Variants in HELZ observed in about 807,000 individuals in gnomAD.
HELZ encodes ATP-dependent RNA helicase with zinc finger domain.
Under a neutral mutation model 218.2 loss-of-function variants are expected in HELZ, and 23 were observed. The ratio of observed to expected loss-of-function variants is 0.11; its 90% CI spans 0.08 to 0.15. The LOEUF is 0.15. Among genes scored for constraint, HELZ ranks in the 10% least tolerant of loss-of-function variants. HELZ has a pLI of 1.00. For synonymous variants in HELZ, 814 were observed against 829.4 expected, an observed-to-expected ratio of 0.98 and a Z score of 0.32; for missense variants, 1,813 against 2,353.7, an observed-to-expected ratio of 0.77 and a Z score of 4.75.
rs201422510 is a variant in HELZ at position 67,078,418 on chromosome 17, G to C, written c.5663C>G (p.Ala1888Gly). Reference sequence around the variant, plus strand: ...ATAGGACATGGCGGGCTTGCCCCCCGCAGAGCTCTGGGGGCTACTGCTATT... The same window carrying C: ...ATAGGACATGGCGGGCTTGCCCCCCCCAGAGCTCTGGGGGCTACTGCTATT... Reference protein sequence around the residue: ...SANSSSPQSSAGGKPAMSYAS... With the variant: ...SANSSSPQSSGGGKPAMSYAS... The change falls in exon 33 of 33, where the codon GCG becomes GGG. Residue 1888 changes from alanine (A) to glycine (G), a missense_variant. Physicochemically the swap from Ala to Gly is moderately conservative, Grantham distance 60. Transcript: ENST00000358691. The C allele has an allele frequency of 6.3e-7, 1 of 1,598,620 alleles. No homozygotes were observed. The highest frequency in any genetic ancestry group is 8.5e-7 in the Non-Finnish European group (1 of 1,174,848).
chr17:67,227,707 G>A (rs1182611950), intron 3 of HELZ, among the ~76,000 whole-genome samples: 2 of 152,180 alleles, frequency 1.3e-5, no homozygotes, highest in Non-Finnish European at 2.9e-5. Flanking sequence ...GTTGGTCCAG[G>A]ACCAAAAGTA....
intron 31 of HELZ, among the ~76,000 whole-genome samples, chr17:67,098,817 A>G (rs2036832643): frequency 6.6e-6 from 1 of 152,216 alleles, no homozygotes; most frequent in South Asian, 2.1e-4. Flanking sequence ...TAGACTCGCT[A>G]AAATATTCCA....
intron 20 of HELZ, 127 bp downstream of exon 20, chr17:67,148,442 T>C (rs2038575848): frequency 1.4e-6 from 1 of 696,628 alleles, no homozygotes. Flanking sequence ...TAAACATAAT[T>C]TGCAAGACTA....
chr17:67,231,300 T>G (rs1158157406), intron 3 of HELZ, among the ~76,000 whole-genome samples: 2 of 152,094 alleles, frequency 1.3e-5, no homozygotes, highest in Non-Finnish European at 2.9e-5. Flanking sequence ...TTAATAGAAA[T>G]GTACCAACAA....
At chr17:67,223,361 A>C (rs958664732) in intron 3 of HELZ, among the ~76,000 whole-genome samples, 8 of 152,236 alleles carry the variant, frequency 5.3e-5, no homozygotes, top group African/African-American at 1.7e-4. Flanking sequence ...AGTCACATTA[A>C]GCACATTAAG....
intron 31 of HELZ, among the ~76,000 whole-genome samples, chr17:67,093,016 C>T (rs985704371): frequency 5.3e-5 from 8 of 151,990 alleles, no homozygotes; most frequent in Non-Finnish European, 1.0e-4. Context: ...GGAAGGTCTC[C>T]AGCATAAAAG....
rs2037142911 is a variant in HELZ, at chr17:67,107,511, GTTAGAAA to G, written c.4892_4898del (p.Phe1631SerfsTer11). On this transcript the variant is annotated frameshift_variant, in exon 31 of 33. Transcript: ENST00000358691. LOFTEE classifies it high-confidence loss of function. ...CAATGTCTCTGCTGTTATCATTAAA[GTTAGAAA>G]AGTGGCTACTGTGGTCTGTACTGGA... 1 of 1,614,062 alleles carries G rather than the reference GTTAGAAA, an allele frequency of 6.2e-7. No individual in the cohort carries two copies. The highest frequency in any genetic ancestry group is 8.5e-7 in the Non-Finnish European group (1 of 1,180,038).
intron 23 of HELZ, 24 bp downstream of exon 23, chr17:67,135,946 G>A (rs745307462): frequency 1.9e-6 from 3 of 1,549,534 alleles, no homozygotes; most frequent in Non-Finnish European, 2.7e-6. Flanking sequence ...CCCCTTTAAT[G>A]TCTCAACATT....
At chr17:67,208,149 T>G (rs1467711786) in intron 5 of HELZ, among the ~76,000 whole-genome samples, 1 of 152,144 alleles carries the variant, frequency 6.6e-6, no homozygotes, top group Non-Finnish European at 1.5e-5. Context: ...GATTAGTGGT[T>G]GCCAAGGGTT....
intron 32 of HELZ, 104 bp downstream of exon 32, chr17:67,086,725 A>C (rs1487149695): frequency 1.7e-6 from 2 of 1,199,590 alleles, no homozygotes; most frequent in Non-Finnish European, 2.4e-6. Flanking sequence ...ATATTGTTCA[A>C]AGATGATAAT....
At chr17:67,193,861 T>C (rs1293465549) in intron 9 of HELZ, 106 bp downstream of exon 9, 3 of 781,010 alleles carry the variant, frequency 3.8e-6, no homozygotes, top group Non-Finnish European at 6.4e-6. Flanking sequence ...CTTTATGGCT[T>C]CTGTTTCAAA....
chr17:67,093,159 G>A (rs1020681401), intron 31 of HELZ, among the ~76,000 whole-genome samples: 4 of 152,082 alleles, frequency 2.6e-5, no homozygotes, highest in Admixed American at 2.6e-4. Flanking sequence ...CCCTCTAACT[G>A]GTGTTCTCAG....
intron 21 of HELZ, 36 bp downstream of exon 21, chr17:67,145,707 G>GA (rs1474655727): frequency 5.2e-6 from 8 of 1,549,206 alleles, no homozygotes; most frequent in Non-Finnish European, 7.1e-6. Context: ...ATGTGACTGA[G>GA]AAAATGTTAA....
At position 67,077,605 on chromosome 17, in the gene HELZ, A is replaced by C. The variant is rs899944384; in HGVS notation, c.*647T>G. On this transcript the variant is annotated 3_prime_UTR_variant, in exon 33 of 33. Coordinates refer to ENST00000358691, the MANE Select transcript of HELZ (RefSeq NM_014877.4). ...CACATTTCAAAAAACAGTGGCATACAAAATATGCCTGCAAAGAATGCCTTT... is the reference window on the plus strand; with the variant it reads ...CACATTTCAAAAAACAGTGGCATACCAAATATGCCTGCAAAGAATGCCTTT... 3.3e-5 allele frequency: 5 copies of C among 152,396 alleles called. No homozygotes were observed. Among genetic ancestry groups the C allele is most frequent in the African/African-American group, 1.2e-4 (5 of 41,420 alleles). 9.4% of individuals were successfully genotyped at this position (152,396 alleles called of 1,614,324 possible).
At chr17:67,151,011 C>T (rs1342413959) in intron 18 of HELZ, 35 bp downstream of exon 18, 5 of 1,593,010 alleles carry the variant, frequency 3.1e-6, no homozygotes, top group Non-Finnish European at 3.4e-6. Flanking sequence ...TTCATAAGCC[C>T]TAAACTTGTG....
chr17:67,208,169 A>C (rs2040353608), intron 5 of HELZ, among the ~76,000 whole-genome samples: 1 of 152,200 alleles, frequency 6.6e-6, no homozygotes, highest in African/African-American at 2.4e-5. Flanking sequence ...TAGAAAAGGT[A>C]GTAAGGAAGG....
chr17:67,116,622 T>A (rs978962594), intron 27 of HELZ, among the ~76,000 whole-genome samples: 1 of 152,120 alleles, frequency 6.6e-6, no homozygotes, highest in Admixed American at 6.5e-5. Flanking sequence ...TCCATAACGA[T>A]AAACGAGTTA....
At chr17:67,145,113 C>T (rs2038453553) in intron 21 of HELZ, among the ~76,000 whole-genome samples, 2 of 152,096 alleles carry the variant, frequency 1.3e-5, no homozygotes. Flanking sequence ...TAATGATATG[C>T]CATCCTCGGG....
chr17:67,081,609 G>A (rs1025120884), intron 32 of HELZ, among the ~76,000 whole-genome samples: 1 of 152,084 alleles, frequency 6.6e-6, no homozygotes, highest in Non-Finnish European at 1.5e-5. Context: ...TTGAGGGAGA[G>A]GACCATGCCA....
Sources: gnomAD v4.1 joint callset for allele counts (sites outside exome capture counted in the v4.1 genomes callset) on GRCh38, gnomAD v4.1.1 for gene constraint, MANE v1.5 for transcripts, NCBI Gene and HGNC (gene_info 2026-07-23, HGNC 2026-07-21) for gene names.